PKIG: variants seen among roughly 807,000 people sequenced by gnomAD.
The protein encoded by PKIG is cAMP-dependent protein kinase inhibitor gamma.
In PKIG, 1 loss-of-function variant was observed where a neutral mutation model predicts 6.8. The observed-to-expected ratio is 0.15, with a 90% CI of 0.05 to 0.69. The LOEUF is 0.69. PKIG is among the 30% of genes least tolerant of loss of function. PKIG has a pLI of 0.82. For synonymous variants in PKIG, 39 were observed against 43.0 expected, an observed-to-expected ratio of 0.91 and a Z score of 0.36; for missense variants, 77 against 104.0, an observed-to-expected ratio of 0.74 and a Z score of 1.13.
chr20:44,547,511 A>G (rs2064626107), intron 1 of PKIG, among the ~76,000 whole-genome samples: 1 of 152,144 alleles, frequency 6.6e-6, no homozygotes, highest in African/African-American at 2.4e-5. Context: ...CCTGCCTCAT[A>G]GGAGTTGTCT....
intron 1 of PKIG, among the ~76,000 whole-genome samples, chr20:44,559,186 C>T (rs376006533): frequency 2.6e-5 from 4 of 152,200 alleles, no homozygotes; most frequent in Non-Finnish European, 2.9e-5. Context: ...TCCCCTAAAT[C>T]TCCATTCTCA....
Position 44,618,421 on chromosome 20 carries a change from G to T in PKIG, c.*57G>T. ...GACCTTCTGTCCCCTCCCAGAGGGG[G>T]AACCCTGGCACTGGCCCAGCAGCCT... On this transcript the variant is annotated 3_prime_UTR_variant, in exon 4 of 4. Transcript: ENST00000372886. 1 of 1,188,502 alleles carries T rather than the reference G, an allele frequency of 8.4e-7. No individual in the cohort carries two copies. The highest frequency in any genetic ancestry group is 1.2e-5 in the South Asian group (1 of 82,652). 73.6% of individuals were successfully genotyped at this position (1,188,502 alleles called of 1,614,324 possible). A position where few individuals can be genotyped will look rare whatever the true frequency, so the allele number is the denominator to read the frequency against.
intron 1 of PKIG, among the ~76,000 whole-genome samples, chr20:44,544,334 T>A (rs1398419674): frequency 6.6e-6 from 1 of 152,100 alleles, no homozygotes; most frequent in Non-Finnish European, 1.5e-5. Flanking sequence ...AGTAGGTGAA[T>A]GGACGCTGAG....
At chr20:44,558,406 A>G (rs1297111090) in intron 1 of PKIG, among the ~76,000 whole-genome samples, 1 of 152,172 alleles carries the variant, frequency 6.6e-6, no homozygotes, top group Admixed American at 6.5e-5. Flanking sequence ...GGTAAAGTTC[A>G]GATATCTTTT....
At chr20:44,568,531 A>G (rs1363995380) in intron 1 of PKIG, among the ~76,000 whole-genome samples, 3 of 152,004 alleles carry the variant, frequency 2.0e-5, no homozygotes, top group East Asian at 1.9e-4. Context: ...CAGTGGCACA[A>G]CCTCTGCCGC....
intron 1 of PKIG, among the ~76,000 whole-genome samples, chr20:44,571,789 C>T (rs1376132778): frequency 6.6e-6 from 1 of 152,210 alleles, no homozygotes; most frequent in African/African-American, 2.4e-5. Context: ...ATGTTTGTTA[C>T]AGTTGAGCCT....
At chr20:44,557,480 C>T (rs1391029568) in intron 1 of PKIG, among the ~76,000 whole-genome samples, 3 of 146,444 alleles carry the variant, frequency 2.0e-5, no homozygotes, top group South Asian at 2.2e-4. Context: ...GAGCCGAGAT[C>T]GCACCACTGC....
At chr20:44,540,739 G>A (rs899808832) in intron 1 of PKIG, among the ~76,000 whole-genome samples, 15 of 151,808 alleles carry the variant, frequency 9.9e-5, no homozygotes, top group Admixed American at 5.3e-4. Flanking sequence ...CACCATACCC[G>A]GCTAATTTTT....
At chr20:44,613,881 G>A (rs557524389) in intron 2 of PKIG, among the ~76,000 whole-genome samples, 2 of 152,308 alleles carry the variant, frequency 1.3e-5, no homozygotes, top group East Asian at 1.9e-4. Context: ...CCTCAGCAGT[G>A]TCCTTGGTGT....
chr20:44,558,107 C>G (rs1418341377), intron 1 of PKIG, among the ~76,000 whole-genome samples: 1 of 152,062 alleles, frequency 6.6e-6, no homozygotes, highest in Non-Finnish European at 1.5e-5. Context: ...CCATCCCTTT[C>G]CATACTGTAA....
chr20:44,548,654 G>A (rs1032198482), intron 1 of PKIG, among the ~76,000 whole-genome samples: 13 of 151,996 alleles, frequency 8.6e-5, no homozygotes, highest in African/African-American at 2.7e-4. Context: ...ATCTTTATTT[G>A]TCTAGATTTT....
chr20:44,611,366 T>C (rs1260920251), intron 2 of PKIG, among the ~76,000 whole-genome samples: 1 of 151,928 alleles, frequency 6.6e-6, no homozygotes, highest in Non-Finnish European at 1.5e-5. Flanking sequence ...GAATGCCTTA[T>C]TGTTAACCAT....
chr20:44,555,902 G>A (rs1380880295), intron 1 of PKIG, among the ~76,000 whole-genome samples: 1 of 152,122 alleles, frequency 6.6e-6, no homozygotes, highest in East Asian at 1.9e-4. Flanking sequence ...GTGCAATGGC[G>A]TGATCTCTGC....
chr20:44,573,741 A>T (rs1472098161), intron 1 of PKIG, among the ~76,000 whole-genome samples: 1 of 152,212 alleles, frequency 6.6e-6, no homozygotes, highest in African/African-American at 2.4e-5. Flanking sequence ...TGTTAGAAGG[A>T]TTAGAAATAA....
At chr20:44,600,734 T>G (rs2065114787) in intron 2 of PKIG, among the ~76,000 whole-genome samples, 1 of 151,006 alleles carries the variant, frequency 6.6e-6, no homozygotes, top group Non-Finnish European at 1.5e-5. Flanking sequence ...GGTAAAGAAT[T>G]GTCCATGGGT....
chr20:44,588,985 TC>T (rs2123377093), intron 1 of PKIG, among the ~76,000 whole-genome samples: 1 of 152,380 alleles, frequency 6.6e-6, no homozygotes, highest in African/African-American at 2.4e-5. Context: ...GTCTTTCATT[TC>T]TTTTCTCACA....
upstream of PKIG, among the ~76,000 whole-genome samples, chr20:44,580,320 G>A (rs1052241193): frequency 1.3e-5 from 2 of 151,906 alleles, no homozygotes; most frequent in Admixed American, 1.3e-4. Flanking sequence ...TACCAGGCTG[G>A]TGTTTTTTTG....
intron 1 of PKIG, among the ~76,000 whole-genome samples, chr20:44,568,377 A>G (rs1411783916): frequency 2.0e-5 from 3 of 152,164 alleles, no homozygotes; most frequent in African/African-American, 7.2e-5. Context: ...CTGATATGCT[A>G]CTGATTAATA....
At chr20:44,603,609 A>G (rs2065140238) in intron 2 of PKIG, among the ~76,000 whole-genome samples, 1 of 152,114 alleles carries the variant, frequency 6.6e-6, no homozygotes, top group Non-Finnish European at 1.5e-5. Flanking sequence ...TAGATCAAGA[A>G]CCCTGGGCAA....
Sources: gnomAD v4.1 joint callset for allele counts (sites outside exome capture counted in the v4.1 genomes callset) on GRCh38, gnomAD v4.1.1 for gene constraint, MANE v1.5 for transcripts, NCBI Gene and HGNC (gene_info 2026-07-23, HGNC 2026-07-21) for gene names.